The following STMND1 variants were observed in gnomAD, a reference collection of about 807,000 sequenced individuals.
STMND1 encodes the protein stathmin domain-containing protein 1.
A neutral mutation model predicts 23.0 loss-of-function variants in STMND1; 17 were observed. The observed-to-expected ratio is 0.74, with a 90% CI of 0.51 to 1.11. The LOEUF (loss-of-function observed/expected upper bound fraction) is 1.11, where lower values mean the gene tolerates loss of function less well. STMND1 is among the 50% of genes least tolerant of loss of function. STMND1 has a pLI of 0.00. For missense variants in STMND1, 305 were observed against 329.1 expected (o/e 0.93, Z 0.57); for synonymous variants, 114 against 119.9 (o/e 0.95, Z 0.32).
Position 17,110,849 on chromosome 6 carries a change from C to G in STMND1, c.82-4113C>G, listed in dbSNP as rs1202994596. The G allele has an allele frequency of 1.5e-5, 7 of 455,982 alleles. No individual in the cohort carries two copies. In the Admixed American group the frequency reaches 1.6e-4, roughly 11 times the overall value. 28.2% of individuals were successfully genotyped at this position (455,982 alleles called of 1,614,324 possible). A position where few individuals can be genotyped will look rare whatever the true frequency, so the allele number is the denominator to read the frequency against. On this transcript the variant is annotated intron_variant, in intron 1 of 4. Coordinates refer to ENST00000536551, the MANE Select transcript of STMND1 (RefSeq NM_001190766.2). ...ATGCACGTGTTCTTTGTGTTCTTAT[C>G]TCTTCTGGAGACACTGAGGAGACTT...
At chr6:17,106,125 T>C (rs1253770928) in intron 1 of STMND1, among the ~76,000 whole-genome samples, 2 of 152,006 alleles carry the variant, frequency 1.3e-5, no homozygotes, top group African/African-American at 4.8e-5. Flanking sequence ...TTCCAGACTT[T>C]TCCTTCTCCC....
At chr6:17,124,837 A>G (rs1761275845) in intron 3 of STMND1, among the ~76,000 whole-genome samples, 1 of 146,554 alleles carries the variant, frequency 6.8e-6, no homozygotes, top group Admixed American at 6.8e-5. Flanking sequence ...ATCTCTACCA[A>G]AAAAAAAAAA....
At chr6:17,129,302 A>AG in intron 4 of STMND1, 59 bp downstream of exon 4, 1 of 1,487,318 alleles carries the variant, frequency 6.7e-7, no homozygotes, top group Non-Finnish European at 8.9e-7. Flanking sequence ...AAATGATCTC[A>AG]CCCCAGAGCT....
chr6:17,129,819 G>C (rs1182575855), intron 4 of STMND1, among the ~76,000 whole-genome samples: 2 of 151,854 alleles, frequency 1.3e-5, no homozygotes, highest in Admixed American at 1.3e-4. Context: ...ACCCCAGCCT[G>C]GGTGACAGAA....
At chr6:17,121,375 T>C (rs946517023) in intron 3 of STMND1, among the ~76,000 whole-genome samples, 2 of 152,184 alleles carry the variant, frequency 1.3e-5, no homozygotes, top group Admixed American at 1.3e-4. Flanking sequence ...TGAGAAACAA[T>C]AGGCCCCACT....
chr6:17,128,574 A>C (rs953340432), intron 3 of STMND1: 2 of 152,280 alleles, frequency 1.3e-5, no homozygotes, highest in Non-Finnish European at 2.9e-5. Flanking sequence ...CTGCATTCAT[A>C]GGGCCTTTTT....
intron 3 of STMND1, among the ~76,000 whole-genome samples, chr6:17,126,062 ATATATATATTTTTTTTTTTTT>A (rs1483392849): frequency 8.2e-5 from 2 of 24,372 alleles, no homozygotes; most frequent in African/African-American, 3.5e-4. Flanking sequence ...ATATATATAT[ATATATATATTTTTTTTTTTTT>A]TTTTTTTTTT....
intron 1 of STMND1, among the ~76,000 whole-genome samples, chr6:17,103,586 T>C (rs1469808400): frequency 6.7e-6 from 1 of 148,338 alleles, no homozygotes; most frequent in African/African-American, 2.5e-5. Context: ...TTTTTTTTTT[T>C]TTTGAGACGG....
chr6:17,110,897 T>C (rs1421882637), intron 1 of STMND1: 1 of 455,874 alleles, frequency 2.2e-6, no homozygotes, highest in African/African-American at 2.0e-5. Flanking sequence ...GTGTCTTAGA[T>C]GGAGAAGACC....
chr6:17,107,849 C>A (rs959829934), intron 1 of STMND1, among the ~76,000 whole-genome samples: 2 of 152,184 alleles, frequency 1.3e-5, no homozygotes, highest in Admixed American at 1.3e-4. Flanking sequence ...AATATAAATT[C>A]TTCATGTATA....
intron 1 of STMND1, among the ~76,000 whole-genome samples, chr6:17,103,155 T>C (rs1030663451): frequency 4.6e-5 from 7 of 152,172 alleles, no homozygotes; most frequent in Non-Finnish European, 1.0e-4. Flanking sequence ...CACCGAAAGA[T>C]AAGGCTAACA....
At chr6:17,128,965 G>T in intron 3 of STMND1, 147 bp from the exon 4 acceptor site, 1 of 698,840 alleles carries the variant, frequency 1.4e-6, no homozygotes, top group Non-Finnish European at 2.2e-6. Flanking sequence ...TTCCCACCTT[G>T]GCCTCCCAAA....
chr6:17,129,142 C>A lies in STMND1; in HGVS notation c.442C>A (p.Pro148Thr). 6.5e-7 allele frequency: 1 copy of A among 1,535,776 alleles called. No individual in the cohort carries two copies. Among genetic ancestry groups the A allele is most frequent in the African/African-American group, 1.4e-5 (1 of 73,108 alleles). Residue 148 changes from proline (P) to threonine (T), a missense_variant, in exon 4 of 5, where the codon CCA becomes ACA. Transcript: ENST00000536551. ...LTTTEKPLRKPPSRLKKLKIK... is the reference protein window; with the variant it reads ...LTTTEKPLRKTPSRLKKLKIK... Reference sequence around the variant, plus strand: ...TACGACTGAGAAGCCATTGAGAAAGCCACCTTCCAGACTGAAAAAACTCAA... The same window carrying A: ...TACGACTGAGAAGCCATTGAGAAAGACACCTTCCAGACTGAAAAAACTCAA...
intron 1 of STMND1, chr6:17,110,719 G>A: frequency 2.3e-6 from 1 of 437,070 alleles, no homozygotes; most frequent in Non-Finnish European, 4.6e-6. Flanking sequence ...AGTGAGCCGA[G>A]ATCGCACCAC....
At chr6:17,112,920 C>G (rs1013127110) in intron 1 of STMND1, among the ~76,000 whole-genome samples, 3 of 152,196 alleles carry the variant, frequency 2.0e-5, no homozygotes, top group African/African-American at 7.2e-5. Context: ...TCTCCACATC[C>G]TCACCAACAC....
At chr6:17,126,797 G>A (rs1761312971) in intron 3 of STMND1, among the ~76,000 whole-genome samples, 1 of 152,174 alleles carries the variant, frequency 6.6e-6, no homozygotes, top group Non-Finnish European at 1.5e-5. Flanking sequence ...TGGTTCTAAA[G>A]GAGCCAAAAT....
intron 1 of STMND1, among the ~76,000 whole-genome samples, chr6:17,107,627 A>G (rs1241840454): frequency 2.6e-5 from 4 of 151,790 alleles, no homozygotes; most frequent in Non-Finnish European, 1.5e-5. Context: ...ACAGGGTCTC[A>G]CTCTGTCACC....
intron 3 of STMND1, among the ~76,000 whole-genome samples, chr6:17,123,452 C>T (rs887608018): frequency 2.0e-5 from 3 of 152,146 alleles, no homozygotes; most frequent in African/African-American, 7.2e-5. Context: ...TCTCTTGTTT[C>T]ATCGCCTAAT....
chr6:17,102,395 A>T (rs1288511241), intron 1 of STMND1, 57 bp downstream of exon 1: 49 of 1,529,780 alleles, frequency 3.2e-5, no homozygotes, highest in Non-Finnish European at 4.1e-5. Flanking sequence ...TTTGCCTGGG[A>T]GGTCTCGCGA....
Sources: gnomAD v4.1 joint callset for allele counts (sites outside exome capture counted in the v4.1 genomes callset) on GRCh38, gnomAD v4.1.1 for gene constraint, MANE v1.5 for transcripts, NCBI Gene and HGNC (gene_info 2026-07-23, HGNC 2026-07-21) for gene names.